ELOVL1: variants seen among roughly 807,000 people sequenced by gnomAD.
The protein encoded by ELOVL1 is ELOVL fatty acid elongase 1.
In ELOVL1, 10 loss-of-function variants were observed where a neutral mutation model predicts 37.8. The observed-to-expected ratio is 0.26, with a 90% CI of 0.16 to 0.45. ELOVL1 has a LOEUF of 0.45. Ranked by LOEUF, ELOVL1 falls within the 20% of genes least tolerant of loss-of-function variation. ELOVL1 has a pLI of 1.00. For synonymous variants in ELOVL1, 133 were observed against 123.8 expected (o/e 1.07, Z -0.49); for missense variants, 256 against 352.7 (o/e 0.73, Z 2.20).
intron 2 of ELOVL1, 66 bp downstream of exon 2, chr1:43,365,497 GA>G: frequency 6.2e-7 from 1 of 1,612,944 alleles, no homozygotes; most frequent in South Asian, 1.1e-5. Context: ...CTCTCCATTA[GA>G]AGACAGCCGT....
chr1:43,365,847 T>A (rs72671107), intron 1 of ELOVL1, among the ~76,000 whole-genome samples: 14,253 of 151,990 alleles, frequency 0.094, 910 homozygotes, highest in Non-Finnish European at 0.14. Context: ...CCACCCTTCC[T>A]CTCCACACCT....
At position 43,364,677 on chromosome 1, in the gene ELOVL1, G is replaced by T. The variant is rs773695968; in HGVS notation, c.376-30C>A. 13 of 1,614,170 alleles carry T rather than the reference G, an allele frequency of 8.1e-6. No homozygotes were observed. Among genetic ancestry groups the T allele is most frequent in the Non-Finnish European group, 3.4e-6 (4 of 1,180,012 alleles). On this transcript the variant is annotated intron_variant, in intron 5 of 7. Coordinates refer to ENST00000372458, the MANE Select transcript of ELOVL1 (RefSeq NM_022821.4). The surrounding 1 kb of genome is among the most constrained non-coding windows in gnomAD (Gnocchi z 5.2). Reference sequence around the variant, plus strand: ...GAGAAGAGTGAGGGAAGGGGATTCAGAACCTGGGCTTCTCCACCTCATTCT... The same window carrying T: ...GAGAAGAGTGAGGGAAGGGGATTCATAACCTGGGCTTCTCCACCTCATTCT...
rs936182157 is a variant in ELOVL1, at chr1:43,364,854, T to C, written c.319-60A>G. The C allele has an allele frequency of 9.9e-6, 16 of 1,613,936 alleles. No homozygotes were observed. The highest frequency in any genetic ancestry group is 1.3e-5 in the Non-Finnish European group (15 of 1,179,796). ...CACTATTCTAAGAGCCTCCCTAAAC[T>C]GGGCCTTGAGCACAGGCCCCAAACT... On this transcript the variant is annotated intron_variant, in intron 4 of 7. Transcript: ENST00000372458. This position sits in a 1 kb window ranked among gnomAD's most constrained non-coding sequence, Gnocchi z 5.2.
In ELOVL1 at chr1:43,363,726, G is replaced by C. The variant is rs541535987; in HGVS notation, c.*190C>G. 13 of 600,462 alleles carry C rather than the reference G, an allele frequency of 2.2e-5. No individual in the cohort carries two copies. The East Asian group carries it at 3.1e-4, about 14-fold the overall frequency. The allele number at this position is 600,462 out of a possible 1,614,324, so 37.2% of individuals were successfully genotyped here. Reference sequence around the variant, plus strand: ...TGAGGCCACATCCCTGGAGCTGCCCGGGGGAAGTGGGTGAGGAACCAAAGC... The same window carrying C: ...TGAGGCCACATCCCTGGAGCTGCCCCGGGGAAGTGGGTGAGGAACCAAAGC... On this transcript the variant is annotated 3_prime_UTR_variant, in exon 8 of 8. Transcript: ENST00000372458.
rs1647190146 is a variant in ELOVL1, at chr1:43,363,915, C to T, written c.*1G>A. 2 of 1,612,660 alleles carry T rather than the reference C, an allele frequency of 1.2e-6. No individual in the cohort carries two copies. The highest frequency in any genetic ancestry group is 1.7e-5 in the Admixed American group (1 of 60,006). The stretch of plus-strand genomic sequence containing the variant: ...GTGGGCGCCTATCTAGGCCATGCTT[C>T]TCAGTTGGCCTTGACCTTGGCAATA... On this transcript the variant is annotated 3_prime_UTR_variant, in exon 8 of 8. Transcript: ENST00000372458.
At chr1:43,365,494 T>C (rs1647217682) in intron 2 of ELOVL1, 70 bp downstream of exon 2, 2 of 1,612,688 alleles carry the variant, frequency 1.2e-6, no homozygotes, top group Non-Finnish European at 1.7e-6. Flanking sequence ...GAACTCTCCA[T>C]TAGAAGACAG....
chr1:43,364,781 G>T lies in ELOVL1; in HGVS notation c.332C>A (p.Ala111Asp). ...GAACTTGGAGAAGAGGAAGAGCCAGGCCACCCGAACCATCTGCAAGAAGTT... is the reference window on the plus strand; with the variant it reads ...GAACTTGGAGAAGAGGAAGAGCCAGTCCACCCGAACCATCTGCAAGAAGTT... ...SPEALRMVRV[A>D]WLFLFSKFIE... The change falls in exon 5 of 8, where the codon GCC becomes GAC. Residue 111 changes from alanine to aspartate, a missense_variant. Physicochemically the swap from Ala to Asp is moderately radical, Grantham distance 126. Transcript: ENST00000372458. The surrounding 1 kb of genome is among the most constrained non-coding windows in gnomAD (Gnocchi z 5.2). 6.2e-7 allele frequency: 1 copy of T among 1,614,136 alleles called. No individual in the cohort carries two copies. The highest frequency in any genetic ancestry group is 1.1e-5 in the South Asian group (1 of 91,072).
At position 43,364,823 on chromosome 1, in the gene ELOVL1, C is replaced by G; in HGVS notation, c.319-29G>C. On this transcript the variant is annotated intron_variant, in intron 4 of 7. Transcript: ENST00000372458. The surrounding 1 kb of genome is among the most constrained non-coding windows in gnomAD (Gnocchi z 5.2). ...CAAGAAGTTGGGATAGCCTTAGGACCTCATACACTATTCTAAGAGCCTCCC... is the reference window on the plus strand; with the variant it reads ...CAAGAAGTTGGGATAGCCTTAGGACGTCATACACTATTCTAAGAGCCTCCC... 1 of 1,614,168 alleles carries G rather than the reference C, an allele frequency of 6.2e-7. No homozygotes were observed. Among genetic ancestry groups the G allele is most frequent in the Non-Finnish European group, 8.5e-7 (1 of 1,180,022 alleles).
rs770751245 is a variant in ELOVL1, at chr1:43,365,545, C to A, written c.46+19G>T. The A allele has an allele frequency of 3.7e-6, 6 of 1,613,956 alleles. No individual in the cohort carries two copies. The highest frequency in any genetic ancestry group is 5.1e-6 in the Non-Finnish European group (6 of 1,180,008). On this transcript the variant is annotated intron_variant, in intron 2 of 7. Coordinates refer to ENST00000372458, the MANE Select transcript of ELOVL1 (RefSeq NM_022821.4). ...TCCCGGGAAAGAAGGAAGGAAAGGG[C>A]TGGTGGATAGCGTCTTACCTGCGTG...
rs1353389889 is a variant in ELOVL1 at position 43,364,927 on chromosome 1, C to T, written c.318+1G>A. ...ATGACCTAGCCCCAGCCCCTACTTA[C>T]CCTAAGTGCCTCAGGGCTGTTGGAA... On this transcript the variant is annotated splice_donor_variant, in intron 4 of 7. Transcript: ENST00000372458. LOFTEE classifies it high-confidence loss of function. This position sits in a 1 kb window ranked among gnomAD's most constrained non-coding sequence, Gnocchi z 5.2. The T allele has an allele frequency of 6.2e-7, 1 of 1,613,864 alleles. No individual in the cohort carries two copies. The highest frequency in any genetic ancestry group is 8.5e-7 in the Non-Finnish European group (1 of 1,179,954).
In ELOVL1 at chr1:43,364,179, G is replaced by T. The variant is rs1322920383; in HGVS notation, c.619-42C>A. On this transcript the variant is annotated intron_variant, in intron 7 of 7. Coordinates refer to ENST00000372458, the MANE Select transcript of ELOVL1 (RefSeq NM_022821.4). This position sits in a 1 kb window ranked among gnomAD's most constrained non-coding sequence, Gnocchi z 5.2. ...CCAGGGTCAGAGGGAATAGTGAGAGGACTAGAGGGGAAGAGGGGGTAGAGA... is the reference window on the plus strand; with the variant it reads ...CCAGGGTCAGAGGGAATAGTGAGAGTACTAGAGGGGAAGAGGGGGTAGAGA... 1 of 1,611,580 alleles carries T rather than the reference G, an allele frequency of 6.2e-7. No individual in the cohort carries two copies. Among genetic ancestry groups the T allele is most frequent in the Non-Finnish European group, 8.5e-7 (1 of 1,177,984 alleles).
At position 43,363,837 on chromosome 1, in the gene ELOVL1, G is replaced by T; in HGVS notation, c.*79C>A. 1 of 1,330,452 alleles carries T rather than the reference G, an allele frequency of 7.5e-7. No homozygotes were observed. Among genetic ancestry groups the T allele is most frequent in the Non-Finnish European group, 1.1e-6 (1 of 932,162 alleles). The allele number at this position is 1,330,452 out of a possible 1,614,324, so 82.4% of individuals were successfully genotyped here. ...ACATAAGCCTTGGTCACAGGTGTAG[G>T]TGGAGAGGGCACTGACGGACACTGC... On this transcript the variant is annotated 3_prime_UTR_variant, in exon 8 of 8. Transcript: ENST00000372458.
In ELOVL1 at chr1:43,365,358, T is replaced by A; in HGVS notation, c.65A>T (p.Tyr22Phe). The A allele has an allele frequency of 6.2e-7, 1 of 1,612,490 alleles. No homozygotes were observed. The highest frequency in any genetic ancestry group is 1.3e-5 in the African/African-American group (1 of 74,942). Residue 22 changes from tyrosine (Y) to phenylalanine (F), a missense_variant, in exon 3 of 8, where the codon TAC becomes TTC. Tyr to Phe is a conservative substitution (Grantham distance 22, BLOSUM62 3). Coordinates refer to ENST00000372458, the MANE Select transcript of ELOVL1 (RefSeq NM_022821.4). ...TAGCAAGGGGGACCCCATCAGAGGG[T>A]AGCCCTGGATCCGGGGATCTATGAA... The part of the protein sequence containing the change: ...MKHADPRIQG[Y>F]PLMGSPLLMT...
rs755693311 is a variant in ELOVL1, at chr1:43,365,300, G to A, written c.123C>T (p.Phe41=). 1.1e-5 allele frequency: 18 copies of A among 1,613,922 alleles called. No homozygotes were observed. The Admixed American group carries it at 2.5e-4, about 22-fold the overall frequency. ...TGATGCGAGGCCCAAGTGAGAGAACGAAGTACACGTAGGTCAGGAGAATGG... is the reference window on the plus strand; with the variant it reads ...TGATGCGAGGCCCAAGTGAGAGAACAAAGTACACGTAGGTCAGGAGAATGG... ...MTSILLTYVY[F]VLSLGPRIMA... is the part of the protein sequence containing the mutation. The change falls in exon 3 of 8, where the codon TTC becomes TTT. Residue 41 remains phenylalanine, a synonymous_variant. Coordinates refer to ENST00000372458, the MANE Select transcript of ELOVL1 (RefSeq NM_022821.4).
At position 43,364,309 on chromosome 1, in the gene ELOVL1, G is replaced by A; in HGVS notation, c.618+15C>T. The A allele has an allele frequency of 6.2e-7, 1 of 1,613,986 alleles. No individual in the cohort carries two copies. The highest frequency in any genetic ancestry group is 8.5e-7 in the Non-Finnish European group (1 of 1,180,000). The stretch of plus-strand genomic sequence containing the variant: ...TGGGGGGATGGTTATAGGTAAGTCA[G>A]GCCAAGCCCCTCACCAGCTGAATGG... On this transcript the variant is annotated intron_variant, in intron 7 of 7. Coordinates refer to ENST00000372458, the MANE Select transcript of ELOVL1 (RefSeq NM_022821.4). The surrounding 1 kb of genome is among the most constrained non-coding windows in gnomAD (Gnocchi z 5.2).
At position 43,364,097 on chromosome 1, in the gene ELOVL1, T is replaced by C. The variant is rs1396770846; in HGVS notation, c.659A>G (p.Tyr220Cys). 6.2e-7 allele frequency: 1 copy of C among 1,613,968 alleles called. No individual in the cohort carries two copies. The highest frequency in any genetic ancestry group is 8.5e-7 in the Non-Finnish European group (1 of 1,179,994). Residue 220 changes from tyrosine to cysteine, a missense_variant, in exon 8 of 8, where the codon TAC becomes TGC. Physicochemically the swap from Tyr to Cys is radical, Grantham distance 194. This residue lies in a region of ELOVL1 where 39 missense variants were observed against 89.9 expected (regional missense o/e 0.43). Coordinates refer to ENST00000372458, the MANE Select transcript of ELOVL1 (RefSeq NM_022821.4). The surrounding 1 kb of genome is among the most constrained non-coding windows in gnomAD (Gnocchi z 5.2). Reference protein sequence around the residue: ...VLVSLHISQYYFMSSCNYQYP... With the variant: ...VLVSLHISQYCFMSSCNYQYP... ...CTGGTAGTTACAGCTGGACATAAAG[T>C]AGTACTGGGAGATGTGCAGTGAGAC...
At position 43,363,693 on chromosome 1, in the gene ELOVL1, G is replaced by A; in HGVS notation, c.*223C>T. The A allele has an allele frequency of 1.7e-6, 1 of 572,294 alleles. No homozygotes were observed. Among genetic ancestry groups the A allele is most frequent in the South Asian group, 2.1e-5 (1 of 48,618 alleles). 35.5% of individuals were successfully genotyped at this position (572,294 alleles called of 1,614,324 possible). A position where few individuals can be genotyped will look rare whatever the true frequency, so the allele number is the denominator to read the frequency against. On this transcript the variant is annotated 3_prime_UTR_variant, in exon 8 of 8. Transcript: ENST00000372458. ...TTTAGCCCCCAGCTCTGGAGTGGCAGACAGCAATGAGGCCACATCCCTGGA... is the reference window on the plus strand; with the variant it reads ...TTTAGCCCCCAGCTCTGGAGTGGCAAACAGCAATGAGGCCACATCCCTGGA...
At position 43,365,290 on chromosome 1, in the gene ELOVL1, G is replaced by C. The variant is rs1236713886; in HGVS notation, c.133C>G (p.Leu45Val). The change falls in exon 3 of 8, where the codon CTT becomes GTT. Residue 45 changes from leucine (L) to valine (V), a missense_variant. Leu to Val is a conservative substitution (Grantham distance 32). This residue lies in a region of ELOVL1 where 158 missense variants were observed against 189.4 expected (regional missense o/e 0.83). Coordinates refer to ENST00000372458, the MANE Select transcript of ELOVL1 (RefSeq NM_022821.4). Reference sequence around the variant, plus strand: ...CGATTAGCCATGATGCGAGGCCCAAGTGAGAGAACGAAGTACACGTAGGTC... The same window carrying C: ...CGATTAGCCATGATGCGAGGCCCAACTGAGAGAACGAAGTACACGTAGGTC... ...LLTYVYFVLS[L>V]GPRIMANRKP... 1 of 1,614,028 alleles carries C rather than the reference G, an allele frequency of 6.2e-7. No individual in the cohort carries two copies.
rs777544447 is a variant in ELOVL1, at chr1:43,364,624, T to C, written c.399A>G (p.Lys133=). 8.1e-6 allele frequency: 13 copies of C among 1,614,036 alleles called. No individual in the cohort carries two copies. The highest frequency in any genetic ancestry group is 2.7e-5 in the African/African-American group (2 of 74,920). ...MDTVIFILRK[K]DGQVTFLHVF... is the part of the protein sequence containing the mutation. ...CATGTAGGAAGGTCACCTGCCCGTC[T>C]TTCTTTCGGAGAATAAAGATCACCT... Residue 133 remains lysine (K), a synonymous_variant, in exon 6 of 8, where the codon AAA becomes AAG. Transcript: ENST00000372458. This position sits in a 1 kb window ranked among gnomAD's most constrained non-coding sequence, Gnocchi z 5.2.
Sources: gnomAD v4.1 joint callset for allele counts (sites outside exome capture counted in the v4.1 genomes callset) on GRCh38, gnomAD v4.1.1 for gene constraint, gnomAD v4.1.1 regional missense constraint, Gnocchi (gnomAD v3.1) non-coding constraint, MANE v1.5 for transcripts, NCBI Gene and HGNC (gene_info 2026-07-23, HGNC 2026-07-21) for gene names.